HECTD4: variants seen among roughly 807,000 people sequenced by gnomAD.
HECTD4 encodes the protein HECT domain E3 ubiquitin protein ligase 4.
In HECTD4, 114 loss-of-function variants were observed where a neutral mutation model predicts 471.5. That is an observed-to-expected ratio of 0.24 (90% CI 0.21 to 0.28). The LOEUF (loss-of-function observed/expected upper bound fraction) is 0.28. HECTD4 is among the 10% of genes least tolerant of loss of function. HECTD4 has a pLI of 1.00. For synonymous variants in HECTD4, 2,012 were observed against 2,256.0 expected (o/e 0.89, Z 3.07); for missense variants, 3,866 against 5,651.5 (o/e 0.68, Z 10.13).
chr12:112,332,865 C>A (rs1030767694), intron 1 of HECTD4, among the ~76,000 whole-genome samples: 14 of 151,234 alleles, frequency 9.3e-5, no homozygotes, highest in African/African-American at 3.4e-4. Context: ...CCATTTTCCC[C>A]AAATCTCCCA....
At chr12:112,262,028 C>A (rs1456949819) in intron 17 of HECTD4, 1 of 152,016 alleles carries the variant, frequency 6.6e-6, no homozygotes, top group East Asian at 1.9e-4. Context: ...TTAGAGAGTT[C>A]GTGGGAGTAC....
At chr12:112,292,246 A>G (rs561597949) in intron 7 of HECTD4, among the ~76,000 whole-genome samples, 1 of 152,292 alleles carries the variant, frequency 6.6e-6, no homozygotes, top group Admixed American at 6.5e-5. Flanking sequence ...GGGCATCTGC[A>G]TATGCCATTT....
At chr12:112,171,427 G>T (rs1593891385) in intron 67 of HECTD4, 164 bp from the exon 68 acceptor site, 11 of 1,145,240 alleles carry the variant, frequency 9.6e-6, no homozygotes, top group Non-Finnish European at 1.3e-5. Context: ...ATGTGCCTGT[G>T]CCTATGCCAA....
intron 1 of HECTD4, among the ~76,000 whole-genome samples, chr12:112,359,646 T>C (rs2135746663): frequency 6.6e-6 from 1 of 152,300 alleles, no homozygotes; most frequent in African/African-American, 2.4e-5. Flanking sequence ...CTTCAACTTC[T>C]GGCCTCCAGT....
chr12:112,295,372 T>C (rs1323374981), intron 7 of HECTD4, among the ~76,000 whole-genome samples: 1 of 151,744 alleles, frequency 6.6e-6, no homozygotes, highest in African/African-American at 2.4e-5. Context: ...AGGTGATTTT[T>C]TTTTTTTTTA....
At chr12:112,266,022 G>T in intron 14 of HECTD4, 39 bp from the exon 15 acceptor site, 2 of 1,400,408 alleles carry the variant, frequency 1.4e-6, no homozygotes, top group Non-Finnish European at 2.0e-6. Flanking sequence ...CCCTGGTAAT[G>T]ACTCCTAGAA....
intron 1 of HECTD4, among the ~76,000 whole-genome samples, chr12:112,324,141 C>T (rs113927415): frequency 3.6e-4 from 43 of 119,424 alleles, no homozygotes; most frequent in African/African-American, 1.2e-3. Context: ...TTTTTTTTGA[C>T]GGGGTCTCAC....
At position 112,231,615 on chromosome 12, in the gene HECTD4, A is replaced by G. The variant is rs376586899; in HGVS notation, c.6098T>C (p.Val2033Ala). 8.1e-6 allele frequency: 13 copies of G among 1,613,950 alleles called. No homozygotes were observed. Among genetic ancestry groups the G allele is most frequent in the Non-Finnish European group, 1.1e-5 (13 of 1,179,880 alleles). The change falls in exon 39 of 76, where the codon GTA becomes GCA. Residue 2033 changes from valine (V) to alanine (A), a missense_variant. Val to Ala is a moderately conservative substitution (Grantham distance 64, BLOSUM62 0). Around this residue, in one of 16 missense-constraint regions of HECTD4, gnomAD observed 617 missense variants for 915.1 expected, o/e 0.67. Transcript: ENST00000682272. ...CACAGTCTCTGGGTTGATAGACTCTACAGGTGGCCCAATGCTGACGATGAG... is the reference window on the plus strand; with the variant it reads ...CACAGTCTCTGGGTTGATAGACTCTGCAGGTGGCCCAATGCTGACGATGAG... ...SGLIVSIGPPVESINPETVSG... is the reference protein window; with the variant it reads ...SGLIVSIGPPAESINPETVSG...
At position 112,382,400 on chromosome 12, in the gene HECTD4, T is replaced by C. The variant is rs986403643; in HGVS notation, c.-272A>G. Reference sequence around the variant, plus strand: ...CCGCCTCTGCCGCTCGGCAACCAACTGTCAGTGAGACGCCATGTTGGGGGC... The same window carrying C: ...CCGCCTCTGCCGCTCGGCAACCAACCGTCAGTGAGACGCCATGTTGGGGGC... On this transcript the variant is annotated 5_prime_UTR_variant, in exon 1 of 76. Transcript: ENST00000682272. 1.6e-5 allele frequency: 5 copies of C among 316,256 alleles called. No individual in the cohort carries two copies. The highest frequency in any genetic ancestry group is 7.4e-5 in the East Asian group (1 of 13,560). 19.6% of individuals were successfully genotyped at this position (316,256 alleles called of 1,614,324 possible).
chr12:112,180,905 A>C (rs929490044), intron 62 of HECTD4, among the ~76,000 whole-genome samples: 4 of 152,132 alleles, frequency 2.6e-5, no homozygotes, highest in African/African-American at 9.7e-5. Flanking sequence ...AGTCATCAAG[A>C]TAAACAATAC....
intron 52 of HECTD4, among the ~76,000 whole-genome samples, chr12:112,205,901 T>C (rs1411316318): frequency 2.0e-5 from 3 of 152,136 alleles, no homozygotes; most frequent in Non-Finnish European, 4.4e-5. Context: ...GCCAGGTTTA[T>C]TTCTCTCTAT....
At chr12:112,321,041 G>A (rs1216594848) in intron 1 of HECTD4, among the ~76,000 whole-genome samples, 1 of 151,906 alleles carries the variant, frequency 6.6e-6, no homozygotes, top group Non-Finnish European at 1.5e-5. Context: ...ACGAGGTTTC[G>A]CCACATTGGC....
chr12:112,228,931 T>C lies in HECTD4; in HGVS notation c.6520-120A>G. 1.0e-6 allele frequency: 1 copy of C among 964,622 alleles called. No individual in the cohort carries two copies. Among genetic ancestry groups the C allele is most frequent in the Non-Finnish European group, 1.6e-6 (1 of 624,042 alleles). 59.8% of individuals were successfully genotyped at this position (964,622 alleles called of 1,614,324 possible). A position where few individuals can be genotyped will look rare whatever the true frequency, so the allele number is the denominator to read the frequency against. ...TTGTTGGCGTTACAGTAATAGTTTATACTACTAGGGTAGCAGATACCAAGC... is the reference window on the plus strand; with the variant it reads ...TTGTTGGCGTTACAGTAATAGTTTACACTACTAGGGTAGCAGATACCAAGC... On this transcript the variant is annotated intron_variant, in intron 41 of 75. Coordinates refer to ENST00000682272, the MANE Select transcript of HECTD4 (RefSeq NM_001388303.1). The surrounding 1 kb of genome is among the most constrained non-coding windows in gnomAD (Gnocchi z 4.9).
intron 1 of HECTD4, among the ~76,000 whole-genome samples, chr12:112,352,540 T>C (rs2036265303): frequency 6.6e-6 from 1 of 152,004 alleles, no homozygotes; most frequent in Admixed American, 6.6e-5. Flanking sequence ...TTTACCATGT[T>C]GGCCAGGCTG....
chr12:112,200,362 C>T lies in HECTD4; in HGVS notation c.8567+276G>A, dbSNP rs143080020. Among the ~76,000 whole-genome samples, 36 of 152,176 alleles carry T rather than the reference C, an allele frequency of 2.4e-4. 1 individual carries two copies. In the East Asian group the frequency reaches 6.6e-3, roughly 28 times the overall value. ...AGAGATGCGATTTCACCAGGTTGGCCGGGCTGGTCTCGAACTTGTGACCTC... is the reference window on the plus strand; with the variant it reads ...AGAGATGCGATTTCACCAGGTTGGCTGGGCTGGTCTCGAACTTGTGACCTC... On this transcript the variant is annotated intron_variant, in intron 55 of 75. Coordinates refer to ENST00000682272, the MANE Select transcript of HECTD4 (RefSeq NM_001388303.1).
chr12:112,226,042 T>A (rs986592231), intron 44 of HECTD4, among the ~76,000 whole-genome samples: 6 of 152,168 alleles, frequency 3.9e-5, no homozygotes, highest in South Asian at 2.1e-4. Flanking sequence ...TACTTATGAA[T>A]AAAATAATAT....
chr12:112,162,934 G>A lies in HECTD4; in HGVS notation c.13120+108C>T. On this transcript the variant is annotated intron_variant, in intron 75 of 75. Transcript: ENST00000682272. This position sits in a 1 kb window ranked among gnomAD's most constrained non-coding sequence, Gnocchi z 5.2. ...AATGATGTCTGAGTTTTGGCACGTG[G>A]GGCTCCTGTTCATTGTTCTCCCTTC... 1.1e-6 allele frequency: 1 copy of A among 908,574 alleles called. No homozygotes were observed. Among genetic ancestry groups the A allele is most frequent in the Non-Finnish European group, 1.7e-6 (1 of 582,876 alleles). The allele number at this position is 908,574 out of a possible 1,614,324, so 56.3% of individuals were successfully genotyped here. A position where few individuals can be genotyped will look rare whatever the true frequency, so the allele number is the denominator to read the frequency against.
At chr12:112,298,478 TA>T (rs1176562698) in intron 7 of HECTD4, among the ~76,000 whole-genome samples, 161 of 145,758 alleles carry the variant, frequency 1.1e-3, no homozygotes, top group Non-Finnish European at 2.0e-3. Context: ...AAAATTATAT[TA>T]ATTTTTTTTT....
At chr12:112,317,956 CAAAAAAAAAAA>C (rs59773169) in intron 2 of HECTD4, among the ~76,000 whole-genome samples, 7 of 22,230 alleles carry the variant, frequency 3.1e-4, no homozygotes, top group South Asian at 2.2e-3. Context: ...GACCCCATCT[CAAAAAAAAAAA>C]AAAAAAAAAA....
Sources: gnomAD v4.1 joint callset for allele counts (sites outside exome capture counted in the v4.1 genomes callset) on GRCh38, gnomAD v4.1.1 for gene constraint, gnomAD v4.1.1 regional missense constraint, Gnocchi (gnomAD v3.1) non-coding constraint, MANE v1.5 for transcripts, NCBI Gene and HGNC (gene_info 2026-07-23, HGNC 2026-07-21) for gene names.